The following CEP112 variants were observed in gnomAD, a reference collection of about 807,000 sequenced individuals.
CEP112 encodes centrosomal protein 112.
A neutral mutation model predicts 153.0 loss-of-function variants in CEP112; 127 were observed. That is an observed-to-expected ratio of 0.83 (90% CI 0.72 to 0.96). The LOEUF (loss-of-function observed/expected upper bound fraction) is 0.96. CEP112 is among the 40% of genes least tolerant of loss of function. The pLI is 0.00. For synonymous variants in CEP112, 358 were observed against 374.4 expected (o/e 0.96, Z 0.51); for missense variants, 1,089 against 1,101.2 (o/e 0.99, Z 0.16).
At position 65,961,628 on chromosome 17, in the gene CEP112, AAAATAT is replaced by A. The variant is rs776201338; in HGVS notation, c.1737-36_1737-31del. 3.2e-6 allele frequency: 5 copies of A among 1,575,256 alleles called. No individual in the cohort carries two copies. The East Asian group carries it at 1.1e-4, about 36-fold the overall frequency. ...AAAGGTTCAGAGAAGCTTCAGAGTT[AAAATAT>A]AAAAGAGCTAGGCCTGAATGAAAGA... On this transcript the variant is annotated intron_variant, in intron 17 of 26. Coordinates refer to ENST00000535342, the MANE Select transcript of CEP112 (RefSeq NM_001199165.4).
At chr17:66,135,148 C>T (rs1368201393) in intron 4 of CEP112, among the ~76,000 whole-genome samples, 1 of 152,146 alleles carries the variant, frequency 6.6e-6, no homozygotes, top group Non-Finnish European at 1.5e-5. Context: ...CTATGTTACC[C>T]CTAATACGTG....
chr17:65,684,068 A>G (rs570751237), intron 24 of CEP112, among the ~76,000 whole-genome samples: 7 of 151,860 alleles, frequency 4.6e-5, no homozygotes, highest in East Asian at 1.9e-4. Context: ...CAAAAACAAA[A>G]CCAACTTCCA....
chr17:65,973,403 T>C (rs2062921335), intron 17 of CEP112, among the ~76,000 whole-genome samples: 1 of 152,116 alleles, frequency 6.6e-6, no homozygotes, highest in Non-Finnish European at 1.5e-5. Context: ...ATCTCAAAAC[T>C]TAATTATAAG....
intron 7 of CEP112, 39 bp from the exon 8 acceptor site, chr17:66,096,367 T>C (rs762941543): frequency 4.4e-6 from 7 of 1,580,340 alleles, no homozygotes; most frequent in Non-Finnish European, 5.2e-6. Context: ...TGTTTTCAGA[T>C]CTGGTTTATC....
At chr17:66,128,195 T>C (rs1458321063) in intron 6 of CEP112, among the ~76,000 whole-genome samples, 8 of 146,242 alleles carry the variant, frequency 5.5e-5, no homozygotes, top group Non-Finnish European at 1.2e-4. Context: ...CCCAGCTACT[T>C]GGGAGGCTGA....
chr17:65,749,523 A>C (rs2051690148), intron 22 of CEP112, among the ~76,000 whole-genome samples: 1 of 151,798 alleles, frequency 6.6e-6, no homozygotes, highest in African/African-American at 2.4e-5. Flanking sequence ...AAAATAAATA[A>C]ATAAAATAAA....
chr17:66,166,762 G>C (rs1352864054), intron 4 of CEP112, among the ~76,000 whole-genome samples: 2 of 152,160 alleles, frequency 1.3e-5, no homozygotes, highest in South Asian at 2.1e-4. Context: ...AAATTAGCCA[G>C]GCGTGGTGGC....
intron 21 of CEP112, among the ~76,000 whole-genome samples, chr17:65,805,500 T>A (rs2055545306): frequency 1.3e-5 from 2 of 152,202 alleles, no homozygotes; most frequent in Admixed American, 6.5e-5. Context: ...TATCAAAACA[T>A]TCTCAATGAT....
chr17:65,689,322 T>C, intron 23 of CEP112, 104 bp from the exon 24 acceptor site: 1 of 734,598 alleles, frequency 1.4e-6, no homozygotes, highest in Non-Finnish European at 2.3e-6. Context: ...TCTAGTTTAT[T>C]ACTCTTGTTC....
chr17:65,638,074 C>T (rs939804711), intron 25 of CEP112, among the ~76,000 whole-genome samples: 19 of 152,168 alleles, frequency 1.2e-4, no homozygotes, highest in Admixed American at 6.5e-4. Flanking sequence ...ACAGCTACTT[C>T]CCAAGGTTAT....
chr17:65,937,990 G>A (rs1164878467), intron 18 of CEP112, among the ~76,000 whole-genome samples: 1 of 120,798 alleles, frequency 8.3e-6, no homozygotes, highest in Non-Finnish European at 1.8e-5. Flanking sequence ...GGAAAGGTGG[G>A]GAAAAGATTG....
At chr17:65,694,003 T>C (rs1384510498) in intron 23 of CEP112, among the ~76,000 whole-genome samples, 1 of 152,098 alleles carries the variant, frequency 6.6e-6, no homozygotes, top group East Asian at 1.9e-4. Flanking sequence ...TCCAGAGCTA[T>C]GGGAAATAAG....
intron 18 of CEP112, among the ~76,000 whole-genome samples, chr17:65,943,340 G>A (rs906053768): frequency 1.3e-5 from 2 of 152,002 alleles, no homozygotes; most frequent in African/African-American, 2.4e-5. Context: ...AAATAGGAGA[G>A]GTAGGAAATG....
Position 65,868,850 on chromosome 17 carries a change from A to G in CEP112, c.2164-16816T>C, listed in dbSNP as rs541356773. Among the ~76,000 whole-genome samples, 378 of 152,368 alleles carry G rather than the reference A, an allele frequency of 2.5e-3. 3 individuals carry two copies. Among genetic ancestry groups the G allele is most frequent in the African/African-American group, 8.7e-3 (361 of 41,590 alleles). On this transcript the variant is annotated intron_variant, in intron 20 of 26. Coordinates refer to ENST00000535342, the MANE Select transcript of CEP112 (RefSeq NM_001199165.4). ...ACATTTTTTGGAAATGATTGATTTC[A>G]AATTAAGTCACAAGTTATATAGTTA...
At chr17:65,876,570 A>ACTTATTAAC in intron 20 of CEP112, among the ~76,000 whole-genome samples, 1 of 152,104 alleles carries the variant, frequency 6.6e-6, no homozygotes, top group East Asian at 1.9e-4. Flanking sequence ...TGATGCTGGT[A>ACTTATTAAC]CTTATTAACC....
chr17:66,070,659 A>G (rs2067278548), intron 8 of CEP112, among the ~76,000 whole-genome samples: 1 of 152,170 alleles, frequency 6.6e-6, no homozygotes, highest in Non-Finnish European at 1.5e-5. Context: ...AATGTAACCA[A>G]TCTTCTTAAT....
At chr17:65,937,626 AG>A (rs2061378955) in intron 18 of CEP112, among the ~76,000 whole-genome samples, 2 of 86,980 alleles carry the variant, frequency 2.3e-5, no homozygotes, top group Non-Finnish European at 4.5e-5. Context: ...TGGGGGGGTC[AG>A]CCCCCCGCCC....
chr17:65,746,178 A>AG (rs1288547206), intron 22 of CEP112, among the ~76,000 whole-genome samples: 2 of 150,486 alleles, frequency 1.3e-5, no homozygotes, highest in Admixed American at 6.6e-5. Flanking sequence ...AAAAAAAAAA[A>AG]AAAAAAAAAA....
intron 21 of CEP112, among the ~76,000 whole-genome samples, chr17:65,804,658 TA>T (rs2055482383): frequency 6.6e-6 from 1 of 152,046 alleles, no homozygotes; most frequent in Non-Finnish European, 1.5e-5. Context: ...ATATAGAGGG[TA>T]AATATAAAAT....
Sources: allele counts gnomAD v4.1 joint callset (sites outside exome capture counted in the v4.1 genomes callset), GRCh38; gene constraint gnomAD v4.1.1; transcripts MANE v1.5; gene names NCBI Gene and HGNC (gene_info 2026-07-23, HGNC 2026-07-21).